Variants in PIP4K2A observed in about 807,000 individuals in gnomAD.
The protein encoded by PIP4K2A is phosphatidylinositol 5-phosphate 4-kinase type-2 alpha.
Under a neutral mutation model 42.9 loss-of-function variants are expected in PIP4K2A, and 14 were observed. That is an observed-to-expected ratio of 0.33 (90% CI 0.22 to 0.51). The LOEUF (loss-of-function observed/expected upper bound fraction) is 0.51. PIP4K2A is among the 20% of genes least tolerant of loss of function. The probability of loss-of-function intolerance (pLI) is 0.97; values close to 1 mark genes in which losing one functional copy is unlikely to be tolerated. For missense variants in PIP4K2A, 434 were observed against 519.8 expected, an observed-to-expected ratio of 0.83 and a Z score of 1.61; for synonymous variants, 192 against 192.2, an observed-to-expected ratio of 1.00 and a Z score of 0.01.
chr10:22,651,214 A>T (rs974374392), intron 1 of PIP4K2A, among the ~76,000 whole-genome samples: 1 of 152,198 alleles, frequency 6.6e-6, no homozygotes, highest in African/African-American at 2.4e-5. Flanking sequence ...TCCACCAAGC[A>T]GACCCTTAAC....
At position 22,608,117 on chromosome 10, in the gene PIP4K2A, C is replaced by G. The variant is rs1837949241; in HGVS notation, c.243-94G>C. On this transcript the variant is annotated intron_variant, in intron 2 of 9. Coordinates refer to ENST00000376573, the MANE Select transcript of PIP4K2A (RefSeq NM_005028.5). ...TTCCACAGGTAGCCAAAGAAGGGTT[C>G]AGAGTTCACTGCCTACCAAAAGCAC... 15 of 758,746 alleles carry G rather than the reference C, an allele frequency of 2.0e-5. No homozygotes were observed. The South Asian group carries it at 2.6e-4, about 13-fold the overall frequency. The allele number at this position is 758,746 out of a possible 1,614,324, so 47.0% of individuals were successfully genotyped here. A position where few individuals can be genotyped will look rare whatever the true frequency, so the allele number is the denominator to read the frequency against.
intron 7 of PIP4K2A, 93 bp from the exon 8 acceptor site, chr10:22,542,140 G>C (rs2130742875): frequency 8.4e-7 from 1 of 1,185,472 alleles, no homozygotes; most frequent in East Asian, 2.4e-5. Context: ...CCAGAGGGAA[G>C]GCTGTGGGGT....
chr10:22,615,424 T>G (rs534298221), intron 1 of PIP4K2A, among the ~76,000 whole-genome samples: 1 of 150,776 alleles, frequency 6.6e-6, no homozygotes, highest in South Asian at 2.1e-4. Context: ...AATTGACACT[T>G]TTCTAAGATA....
intron 1 of PIP4K2A, among the ~76,000 whole-genome samples, chr10:22,701,691 A>C (rs144579294): frequency 3.2e-3 from 481 of 152,360 alleles, no homozygotes; most frequent in African/African-American, 0.011. Context: ...TCAGCTCTGC[A>C]CTGAAAATAA....
intron 1 of PIP4K2A, among the ~76,000 whole-genome samples, chr10:22,671,719 C>T (rs1564462821): frequency 6.8e-6 from 1 of 147,840 alleles, no homozygotes; most frequent in Non-Finnish European, 1.5e-5. Context: ...TATTAATTGC[C>T]TGAATTTTCT....
chr10:22,593,506 T>C (rs559146939), intron 3 of PIP4K2A, among the ~76,000 whole-genome samples: 1 of 152,370 alleles, frequency 6.6e-6, no homozygotes. Flanking sequence ...TAATTCTTAA[T>C]TACATTTTTC....
At chr10:22,661,904 G>A (rs1171503) in intron 1 of PIP4K2A, 34,535 of 152,056 alleles carry the variant, frequency 0.23, 4,457 homozygotes, top group Non-Finnish European at 0.3. Flanking sequence ...GTCTCAGTAG[G>A]GAAAGCAAAG....
At chr10:22,666,842 C>T (rs115867307) in intron 1 of PIP4K2A, among the ~76,000 whole-genome samples, 106 of 152,288 alleles carry the variant, frequency 7.0e-4, no homozygotes, top group African/African-American at 2.5e-3. Context: ...TAGTCCTATA[C>T]CGATAGGAAT....
rs182842103 is a variant in PIP4K2A at position 22,564,879 on chromosome 10, C to T, written c.678+2972G>A. ...CCTGTGGATATGTCCCTGGACAACT[C>T]TCCATTCTTACCCTACCTGGCCTCA... On this transcript the variant is annotated intron_variant, in intron 6 of 9. Coordinates refer to ENST00000376573, the MANE Select transcript of PIP4K2A (RefSeq NM_005028.5). Among the ~76,000 whole-genome samples, 498 of 152,340 alleles carry T rather than the reference C, an allele frequency of 3.3e-3. 2 individuals are homozygous for T. The highest frequency in any genetic ancestry group is 4.0e-3 in the Non-Finnish European group (274 of 68,016).
At chr10:22,567,808 T>C in intron 6 of PIP4K2A, 43 bp downstream of exon 6, 1 of 1,514,668 alleles carries the variant, frequency 6.6e-7, no homozygotes, top group South Asian at 1.1e-5. Context: ...GAGTATGTGA[T>C]CATGCCCCCA....
At chr10:22,675,543 T>C (rs866409063) in intron 1 of PIP4K2A, among the ~76,000 whole-genome samples, 6 of 152,060 alleles carry the variant, frequency 3.9e-5, no homozygotes, top group African/African-American at 7.2e-5. Flanking sequence ...TGAGCCAAGA[T>C]TGCACCACTG....
intron 1 of PIP4K2A, among the ~76,000 whole-genome samples, chr10:22,684,559 C>T (rs1049088311): frequency 2.0e-5 from 3 of 151,996 alleles, no homozygotes; most frequent in Non-Finnish European, 4.4e-5. Context: ...AAAAATATTC[C>T]CTACCTCAAA....
At chr10:22,609,446 G>C (rs1837982903) in intron 2 of PIP4K2A, among the ~76,000 whole-genome samples, 174 bp downstream of exon 2, 2 of 152,210 alleles carry the variant, frequency 1.3e-5, no homozygotes, top group African/African-American at 4.8e-5. Context: ...TATTATCCCA[G>C]AGAGCCTGCT....
intron 1 of PIP4K2A, among the ~76,000 whole-genome samples, chr10:22,660,561 G>T (rs993380330): frequency 1.3e-5 from 2 of 152,044 alleles, no homozygotes; most frequent in Non-Finnish European, 2.9e-5. Context: ...GAATCTAGGT[G>T]ATCCATGTGC....
chr10:22,564,721 T>G (rs939560078), intron 6 of PIP4K2A, among the ~76,000 whole-genome samples: 2 of 152,196 alleles, frequency 1.3e-5, no homozygotes, highest in African/African-American at 2.4e-5. Context: ...ATTCTCAAAA[T>G]GTACATTCAC....
chr10:22,561,467 G>A (rs1588626481), intron 6 of PIP4K2A, among the ~76,000 whole-genome samples: 1 of 151,192 alleles, frequency 6.6e-6, no homozygotes, highest in East Asian at 1.9e-4. Context: ...TAAAAGTATG[G>A]AAAACTAGAA....
At position 22,690,544 on chromosome 10, in the gene PIP4K2A, AAAACCC is replaced by A. The variant is rs549857057; in HGVS notation, c.144+23633_144+23638del. Among the ~76,000 whole-genome samples, 795 of 152,344 alleles carry A rather than the reference AAAACCC, an allele frequency of 5.2e-3. 7 individuals carry two copies. The highest frequency in any genetic ancestry group is 0.018 in the African/African-American group (751 of 41,586). Reference sequence around the variant, plus strand: ...TCTCCTCTTGTGGAAGAGAGTAACAAAAACCCAACATATCTCCTCTTTCAAGAGGAG... The same window carrying A: ...TCTCCTCTTGTGGAAGAGAGTAACAAAACATATCTCCTCTTTCAAGAGGAG... On this transcript the variant is annotated intron_variant, in intron 1 of 9. Transcript: ENST00000376573.
intron 4 of PIP4K2A, 84 bp downstream of exon 4, chr10:22,591,545 T>C (rs1837511144): frequency 7.8e-6 from 8 of 1,031,278 alleles, no homozygotes; most frequent in Admixed American, 2.2e-5. Context: ...TCTCTAACTA[T>C]ATATTTAAAT....
At chr10:22,665,910 GA>G (rs1320446468) in intron 1 of PIP4K2A, among the ~76,000 whole-genome samples, 1 of 151,762 alleles carries the variant, frequency 6.6e-6, no homozygotes, top group African/African-American at 2.4e-5. Flanking sequence ...AGTTCTATGG[GA>G]TAGATTATCA....
Sources: gnomAD v4.1 joint callset for allele counts (sites outside exome capture counted in the v4.1 genomes callset) on GRCh38, gnomAD v4.1.1 for gene constraint, MANE v1.5 for transcripts, NCBI Gene and HGNC (gene_info 2026-07-23, HGNC 2026-07-21) for gene names.